The following KIF6 variants were observed in gnomAD, a reference collection of about 807,000 sequenced individuals.
KIF6 encodes the protein kinesin-like protein KIF6.
In KIF6, 106 loss-of-function variants were observed where a neutral mutation model predicts 112.7. That is an observed-to-expected ratio of 0.94 (90% CI 0.80 to 1.11). The LOEUF is 1.11. Ranked by LOEUF, KIF6 falls within the 50% of genes least tolerant of loss-of-function variation. The pLI is 0.00. For missense variants in KIF6, 929 were observed against 964.0 expected, an observed-to-expected ratio of 0.96 and a Z score of 0.48; for synonymous variants, 339 against 339.9, an observed-to-expected ratio of 1.00 and a Z score of 0.03.
chr6:39,443,909 G>A (rs1335488055), intron 13 of KIF6, among the ~76,000 whole-genome samples: 1 of 151,840 alleles, frequency 6.6e-6, no homozygotes, highest in Non-Finnish European at 1.5e-5. Context: ...TTCATGTTTT[G>A]GGGAAAAAAA....
chr6:39,357,448 CTTTTTTTT>C, intron 18 of KIF6, 74 bp from the exon 19 acceptor site: 1 of 544,288 alleles, frequency 1.8e-6, no homozygotes. Context: ...TGATGTAATT[CTTTTTTTT>C]TTTTTTTTTT....
At chr6:39,711,525 C>T (rs576178669) in intron 3 of KIF6, among the ~76,000 whole-genome samples, 3 of 152,192 alleles carry the variant, frequency 2.0e-5, no homozygotes, top group African/African-American at 4.8e-5. Flanking sequence ...CATGCACCAC[C>T]ATGCCCAGCT....
chr6:39,397,078 G>A (rs1370935934), intron 15 of KIF6, among the ~76,000 whole-genome samples: 1 of 152,130 alleles, frequency 6.6e-6, no homozygotes, highest in Admixed American at 6.5e-5. Context: ...GTCCAAATCA[G>A]GGTTTCACAA....
At chr6:39,367,865 T>A (rs1308816893) in intron 16 of KIF6, among the ~76,000 whole-genome samples, 1 of 152,156 alleles carries the variant, frequency 6.6e-6, no homozygotes, top group African/African-American at 2.4e-5. Context: ...GGGGTGCACA[T>A]CAGAATCACT....
Position 39,499,069 on chromosome 6 carries a change from C to T in KIF6, c.1645+40934G>A, listed in dbSNP as rs185370491. Among the ~76,000 whole-genome samples the T allele has an allele frequency of 5.1e-3, 783 of 152,304 alleles. 4 individuals are homozygous for T. The highest frequency in any genetic ancestry group is 0.013 in the Admixed American group (202 of 15,296). The stretch of plus-strand genomic sequence containing the variant: ...GAGCAAAGAATCTGTAGCCAAAAGA[C>T]CTTTACTCATTATTCAAGTAAGTCC... On this transcript the variant is annotated intron_variant, in intron 13 of 22. Transcript: ENST00000287152.
chr6:39,476,076 T>C (rs148147583), intron 13 of KIF6, among the ~76,000 whole-genome samples: 78 of 152,106 alleles, frequency 5.1e-4, no homozygotes, highest in Non-Finnish European at 6.2e-4. Context: ...AGCATCAGTA[T>C]AAATAGCTAA....
At chr6:39,556,129 T>C (rs977704679) in intron 10 of KIF6, among the ~76,000 whole-genome samples, 16 of 152,280 alleles carry the variant, frequency 1.1e-4, no homozygotes, top group African/African-American at 3.9e-4. Flanking sequence ...AATTAATCAA[T>C]CCATAGATAC....
At chr6:39,400,619 G>T (rs1315204693) in intron 15 of KIF6, among the ~76,000 whole-genome samples, 1 of 152,170 alleles carries the variant, frequency 6.6e-6, no homozygotes, top group East Asian at 1.9e-4. Context: ...CTTGCTTTGG[G>T]GGAGTCATGT....
chr6:39,359,315 T>TA (rs1363911644), intron 18 of KIF6, among the ~76,000 whole-genome samples: 2 of 152,246 alleles, frequency 1.3e-5, no homozygotes, highest in Non-Finnish European at 2.9e-5. Flanking sequence ...TGCTAACACT[T>TA]ATGGAAAGGT....
intron 13 of KIF6, among the ~76,000 whole-genome samples, chr6:39,481,231 T>C (rs1774778117): frequency 6.6e-6 from 1 of 152,168 alleles, no homozygotes; most frequent in Admixed American, 6.5e-5. Flanking sequence ...AAATAATGAA[T>C]GTGTTCAGGA....
rs558073759 is a variant in KIF6, at chr6:39,544,603, C to T, written c.1378G>A (p.Glu460Lys). ...AGAATATCTCGTAGCTTTCTATATT[C>T]TTCTTCTTTTAATGGTTCTTGACAA... Reference protein sequence around the residue: ...QDCQEPLKEEEYRKLRDILKQ... With the variant: ...QDCQEPLKEEKYRKLRDILKQ... Residue 460 changes from glutamate to lysine, a missense_variant, in exon 12 of 23, where the codon GAA (glutamate) becomes AAA (lysine). This residue lies in a region of KIF6 where 688 missense variants were observed against 662.7 expected (regional missense o/e 1.04). Coordinates refer to ENST00000287152, the MANE Select transcript of KIF6 (RefSeq NM_145027.6). The T allele has an allele frequency of 5.0e-5, 80 of 1,612,002 alleles. 1 individual carries two copies. The African/African-American group carries it at 8.7e-4, about 17-fold the overall frequency.
intron 13 of KIF6, among the ~76,000 whole-genome samples, chr6:39,505,897 G>A (rs748599466): frequency 9.2e-5 from 14 of 152,148 alleles, no homozygotes; most frequent in African/African-American, 1.9e-4. Flanking sequence ...GCTTTTACAC[G>A]GTTGGTGGGA....
chr6:39,714,642 G>A (rs1356737453), intron 3 of KIF6, 50 bp downstream of exon 3: 2 of 1,229,360 alleles, frequency 1.6e-6, no homozygotes, highest in South Asian at 2.4e-5. Context: ...GAGAATTGAA[G>A]GCAACATGAA....
At chr6:39,501,786 A>G (rs138491878) in intron 13 of KIF6, among the ~76,000 whole-genome samples, 108 of 152,340 alleles carry the variant, frequency 7.1e-4, no homozygotes, top group African/African-American at 2.5e-3. Flanking sequence ...TGGAGAAAAA[A>G]AGAATTAAAA....
intron 13 of KIF6, among the ~76,000 whole-genome samples, chr6:39,524,312 C>G (rs1313985180): frequency 6.6e-6 from 1 of 152,046 alleles, no homozygotes; most frequent in African/African-American, 2.4e-5. Context: ...TTACATAATT[C>G]CTATACTTAT....
chr6:39,615,412 G>A (rs186500993), intron 5 of KIF6, among the ~76,000 whole-genome samples: 17 of 152,276 alleles, frequency 1.1e-4, no homozygotes, highest in Admixed American at 3.9e-4. Context: ...CTAAATGTAC[G>A]TCAGGCACTT....
chr6:39,619,008 G>A (rs1216745606), intron 5 of KIF6, among the ~76,000 whole-genome samples: 1 of 151,926 alleles, frequency 6.6e-6, no homozygotes, highest in Non-Finnish European at 1.5e-5. Flanking sequence ...TATTCTTATT[G>A]GCTCAAAATA....
intron 3 of KIF6, among the ~76,000 whole-genome samples, chr6:39,703,657 A>C (rs1484578274): frequency 2.0e-5 from 3 of 152,240 alleles, no homozygotes; most frequent in Non-Finnish European, 4.4e-5. Context: ...ACAATGATAG[A>C]AACTCTGCTA....
At chr6:39,692,072 G>A (rs918319799) in intron 3 of KIF6, among the ~76,000 whole-genome samples, 4 of 152,162 alleles carry the variant, frequency 2.6e-5, no homozygotes, top group East Asian at 3.8e-4. Flanking sequence ...TCACCTGAAC[G>A]TGGGAGGCGG....
Sources: gnomAD v4.1 joint callset for allele counts (sites outside exome capture counted in the v4.1 genomes callset) on GRCh38, gnomAD v4.1.1 for gene constraint, gnomAD v4.1.1 regional missense constraint, MANE v1.5 for transcripts, NCBI Gene and HGNC (gene_info 2026-07-23, HGNC 2026-07-21) for gene names.